The following NAALAD2 variants were observed in gnomAD, a reference collection of about 807,000 sequenced individuals.
The protein encoded by NAALAD2 is N-acetylated alpha-linked acidic dipeptidase 2.
NAALAD2 carries 89 observed loss-of-function variants against 95.6 expected under a neutral mutation model. The observed-to-expected ratio is 0.93, with a 90% CI of 0.78 to 1.11. The LOEUF (loss-of-function observed/expected upper bound fraction) is 1.11, where lower values mean the gene tolerates loss of function less well. NAALAD2 is among the 50% of genes least tolerant of loss of function. The pLI is 0.00. For synonymous variants in NAALAD2, 264 were observed against 294.4 expected (o/e 0.90, Z 1.06); for missense variants, 894 against 872.4 (o/e 1.02, Z -0.31).
chr11:90,158,292 T>C (rs1952183193), intron 7 of NAALAD2, 54 bp downstream of exon 7: 1 of 1,337,534 alleles, frequency 7.5e-7, no homozygotes. Context: ...AGTTGTCTAT[T>C]TTCTCATTGA....
intron 14 of NAALAD2, 138 bp downstream of exon 14, chr11:90,174,053 C>A: frequency 1.5e-6 from 1 of 676,216 alleles, no homozygotes. Flanking sequence ...AATTCCTGGC[C>A]GAGCCCAGTA....
intron 3 of NAALAD2, 96 bp from the exon 4 acceptor site, chr11:90,148,910 A>T: frequency 1.5e-6 from 1 of 647,272 alleles, no homozygotes; most frequent in Non-Finnish European, 2.7e-6. Flanking sequence ...TTGTTCCAGG[A>T]TGCTTAATCT....
chr11:90,143,677 C>T (rs1951676044), intron 2 of NAALAD2, among the ~76,000 whole-genome samples: 1 of 152,062 alleles, frequency 6.6e-6, no homozygotes, highest in Admixed American at 6.5e-5. Context: ...CAGTTAAACC[C>T]TACAGACAGA....
chr11:90,190,460 G>C (rs1036268962), intron 18 of NAALAD2, among the ~76,000 whole-genome samples: 2 of 152,084 alleles, frequency 1.3e-5, no homozygotes, highest in African/African-American at 4.8e-5. Flanking sequence ...ATTTGCCAAA[G>C]GTCACTGAGA....
At chr11:90,144,478 T>C (rs1951699441) in intron 2 of NAALAD2, among the ~76,000 whole-genome samples, 1 of 151,870 alleles carries the variant, frequency 6.6e-6, no homozygotes, top group African/African-American at 2.4e-5. Flanking sequence ...CGTTGGCTCA[T>C]GCCTGTAATC....
chr11:90,161,943 G>A (rs1376540204), intron 8 of NAALAD2, among the ~76,000 whole-genome samples: 7 of 149,972 alleles, frequency 4.7e-5, no homozygotes, highest in Non-Finnish European at 8.9e-5. Context: ...AAAAAACATC[G>A]ATTAGTTTTC....
At position 90,147,478 on chromosome 11, in the gene NAALAD2, GCCAAC is replaced by G; in HGVS notation, c.344_348del (p.Ala115ValfsTer7). On this transcript the variant is annotated frameshift_variant, in exon 3 of 19. Coordinates refer to ENST00000534061, the MANE Select transcript of NAALAD2 (RefSeq NM_005467.4). LOFTEE classifies it high-confidence loss of function. ...CTTATCTTACCCCAATGAGACAAAT[GCCAAC>G]TATATATCGATTGTGGATGAACATG... The G allele has an allele frequency of 6.2e-7, 1 of 1,613,102 alleles. No individual in the cohort carries two copies. Among genetic ancestry groups the G allele is most frequent in the Non-Finnish European group, 8.5e-7 (1 of 1,179,558 alleles).
intron 17 of NAALAD2, 24 bp downstream of exon 17, chr11:90,181,725 TTAA>T (rs767669929): frequency 4.0e-5 from 55 of 1,365,558 alleles, no homozygotes; most frequent in African/African-American, 2.7e-4. Context: ...CCCTTTTTTT[TTAA>T]AAAAAAAAAA....
intron 2 of NAALAD2, among the ~76,000 whole-genome samples, chr11:90,140,056 G>A (rs1951567645): frequency 6.6e-6 from 1 of 152,002 alleles, no homozygotes; most frequent in Non-Finnish European, 1.5e-5. Flanking sequence ...AGAACTACAT[G>A]AGAACCATGG....
At chr11:90,178,253 C>A (rs1163800648) in intron 16 of NAALAD2, 136 bp downstream of exon 16, 2 of 991,964 alleles carry the variant, frequency 2.0e-6, no homozygotes, top group African/African-American at 3.3e-5. Context: ...TACACAAAAA[C>A]TTAAAACAAA....
intron 5 of NAALAD2, among the ~76,000 whole-genome samples, chr11:90,151,280 T>C (rs961139418): frequency 6.6e-6 from 1 of 152,158 alleles, no homozygotes; most frequent in Non-Finnish European, 1.5e-5. Context: ...ATGACTTTGT[T>C]TGAAAGCACT....
At chr11:90,166,979 G>A (rs1265839238) in intron 11 of NAALAD2, among the ~76,000 whole-genome samples, 2 of 152,206 alleles carry the variant, frequency 1.3e-5, no homozygotes, top group African/African-American at 4.8e-5. Flanking sequence ...GTGAAACCCC[G>A]TGTCTATTAA....
At position 90,151,112 on chromosome 11, in the gene NAALAD2, G is replaced by C. The variant is rs568799678; in HGVS notation, c.609+505G>C. Among the ~76,000 whole-genome samples, 3 of 151,914 alleles carry C rather than the reference G, an allele frequency of 2.0e-5. No homozygotes were observed. In the East Asian group the frequency reaches 5.8e-4, roughly 29 times the overall value. The stretch of plus-strand genomic sequence containing the variant: ...ATGTAATACATTGGTTAAGAGTATA[G>C]AACCCTAGATCCATATCACCTGGGT... On this transcript the variant is annotated intron_variant, in intron 5 of 18. Coordinates refer to ENST00000534061, the MANE Select transcript of NAALAD2 (RefSeq NM_005467.4).
chr11:90,186,982 A>G (rs575387801), intron 18 of NAALAD2, among the ~76,000 whole-genome samples: 17 of 150,568 alleles, frequency 1.1e-4, no homozygotes, highest in African/African-American at 4.1e-4. Flanking sequence ...ATTTACAAGA[A>G]AAAAACAACC....
At chr11:90,146,119 AGTCTCCTC>A in intron 2 of NAALAD2, among the ~76,000 whole-genome samples, 1 of 152,012 alleles carries the variant, frequency 6.6e-6, no homozygotes, top group Non-Finnish European at 1.5e-5. Flanking sequence ...TCACTCTGTC[AGTCTCCTC>A]ATTTGCAAAA....
At chr11:90,190,354 G>A (rs1857288422) in intron 18 of NAALAD2, among the ~76,000 whole-genome samples, 2 of 152,136 alleles carry the variant, frequency 1.3e-5, no homozygotes, top group South Asian at 4.1e-4. Context: ...AAAACAGGCA[G>A]TCTCAGTCTA....
intron 15 of NAALAD2, among the ~76,000 whole-genome samples, chr11:90,177,586 G>GTTTTGTTTTTTTTTTTTTTTTT (rs1952833043): frequency 3.5e-5 from 1 of 28,456 alleles, no homozygotes; most frequent in African/African-American, 1.4e-4. Flanking sequence ...TCTTTTTCTT[G>GTTTTGTTTTTTTTTTTTTTTTT]TTTTTTTTTT....
intron 6 of NAALAD2, among the ~76,000 whole-genome samples, chr11:90,156,825 T>C (rs1952131057): frequency 6.6e-6 from 1 of 152,182 alleles, no homozygotes; most frequent in Admixed American, 6.6e-5. Context: ...TTTTATTTGG[T>C]TCCAAATACT....
upstream of NAALAD2, among the ~76,000 whole-genome samples, chr11:90,133,386 G>A (rs1951382866): frequency 6.6e-6 from 1 of 152,160 alleles, no homozygotes; most frequent in Non-Finnish European, 1.5e-5. Context: ...ATGTAGCATG[G>A]TGAGGACAGG....
Sources: allele counts gnomAD v4.1 joint callset (sites outside exome capture counted in the v4.1 genomes callset), GRCh38; gene constraint gnomAD v4.1.1; transcripts MANE v1.5; gene names NCBI Gene and HGNC (gene_info 2026-07-23, HGNC 2026-07-21).